The following GLP1R variants were observed in gnomAD, a reference collection of about 807,000 sequenced individuals.
The protein encoded by GLP1R is glucagon-like peptide 1 receptor.
In GLP1R, 32 loss-of-function variants were observed where a neutral mutation model predicts 68.4. The ratio of observed to expected loss-of-function variants is 0.47; its 90% CI spans 0.35 to 0.63. The LOEUF is 0.63. Ranked by LOEUF, GLP1R falls within the 20% of genes least tolerant of loss-of-function variation. The pLI is 0.00. For synonymous variants in GLP1R, 263 were observed against 244.4 expected, an observed-to-expected ratio of 1.08 and a Z score of -0.71; for missense variants, 502 against 594.9, an observed-to-expected ratio of 0.84 and a Z score of 1.62.
intron 12 of GLP1R, among the ~76,000 whole-genome samples, chr6:39,083,198 A>G (rs757957392): frequency 3.3e-5 from 5 of 152,158 alleles, no homozygotes; most frequent in Non-Finnish European, 5.9e-5. Context: ...GGGGTCCAGG[A>G]GACCCTGCTC....
chr6:39,074,147 G>C (rs1456491338), intron 7 of GLP1R, among the ~76,000 whole-genome samples: 1 of 152,156 alleles, frequency 6.6e-6, no homozygotes, highest in African/African-American at 2.4e-5. Context: ...GGGCCTCAAG[G>C]TGGGGAGGGG....
rs940382675 is a variant in GLP1R, at chr6:39,072,052, A to T, written c.510-810A>T. Among the ~76,000 whole-genome samples, 6 of 152,334 alleles carry T rather than the reference A, an allele frequency of 3.9e-5. No individual in the cohort carries two copies. The East Asian group carries it at 1.2e-3, about 29-fold the overall frequency. ...ATTATTTCTAAACATTTACTTTTAA[A>T]TTTTTTTAACGCAGGCATATACAAA... On this transcript the variant is annotated intron_variant, in intron 5 of 12. Transcript: ENST00000373256.
intron 5 of GLP1R, among the ~76,000 whole-genome samples, chr6:39,066,577 C>A (rs537282177): frequency 1.8e-4 from 27 of 152,214 alleles, no homozygotes; most frequent in Non-Finnish European, 4.0e-4. Flanking sequence ...AAAACCTTAA[C>A]CGTCGGTGAT....
intron 12 of GLP1R, among the ~76,000 whole-genome samples, chr6:39,084,680 C>G (rs939520707): frequency 6.6e-6 from 1 of 152,226 alleles, no homozygotes; most frequent in Non-Finnish European, 1.5e-5. Flanking sequence ...TTCCCTCCCC[C>G]ACTCAAGCTT....
At chr6:39,072,152 T>C (rs928513007) in intron 5 of GLP1R, among the ~76,000 whole-genome samples, 2 of 152,268 alleles carry the variant, frequency 1.3e-5, no homozygotes, top group Non-Finnish European at 2.9e-5. Flanking sequence ...GAATTTTCTA[T>C]GAAGATAATC....
At chr6:39,071,041 A>C (rs1768647356) in intron 5 of GLP1R, among the ~76,000 whole-genome samples, 1 of 152,228 alleles carries the variant, frequency 6.6e-6, no homozygotes, top group Non-Finnish European at 1.5e-5. Context: ...AATTCTGGAC[A>C]GTCTTATTAA....
At position 39,057,613 on chromosome 6, in the gene GLP1R, G is replaced by A. The variant is rs201068918; in HGVS notation, c.283+34G>A. On this transcript the variant is annotated intron_variant, in intron 3 of 12. Coordinates refer to ENST00000373256, the MANE Select transcript of GLP1R (RefSeq NM_002062.5). ...CCTCCCCGACCTGGTACCTGCCCTG[G>A]GCCAGCAGTGGTGAACCCCCTCCCC... 6,904 of 1,296,524 alleles carry A rather than the reference G, an allele frequency of 5.3e-3. 35 individuals are homozygous for A. Among genetic ancestry groups the A allele is most frequent in the Non-Finnish European group, 6.7e-3 (6,190 of 925,968 alleles). 80.3% of individuals were successfully genotyped at this position (1,296,524 alleles called of 1,614,324 possible).
At position 39,050,108 on chromosome 6, in the gene GLP1R, C is replaced by T. The variant is rs111529454; in HGVS notation, c.78+1190C>T. 4.9e-3 allele frequency among the ~76,000 whole-genome samples: 749 copies of T among 152,278 alleles called. 6 individuals are homozygous for T. The highest frequency in any genetic ancestry group is 0.017 in the Middle Eastern group (5 of 294). On this transcript the variant is annotated intron_variant, in intron 1 of 12. Transcript: ENST00000373256. ...TTCAGCCCCCAGATTATTTTCCAGA[C>T]GCATCCTCTCCCTGCCCCTGTTCCC...
chr6:39,063,344 T>A (rs1481076223), intron 3 of GLP1R, among the ~76,000 whole-genome samples: 2 of 152,120 alleles, frequency 1.3e-5, no homozygotes, highest in Non-Finnish European at 2.9e-5. Context: ...AGAGAGGCAT[T>A]TGTGGGCTTG....
intron 4 of GLP1R, 43 bp from the exon 5 acceptor site, chr6:39,066,154 C>A: frequency 9.0e-7 from 1 of 1,107,998 alleles, no homozygotes; most frequent in Non-Finnish European, 1.4e-6. Context: ...GGGAAGAGGG[C>A]CATGGGCTGC....
chr6:39,065,633 G>A, intron 3 of GLP1R, 78 bp from the exon 4 acceptor site: 1 of 818,970 alleles, frequency 1.2e-6, no homozygotes. Flanking sequence ...CTCAGAATGG[G>A]GAGGAAGGGG....
In GLP1R at chr6:39,090,131, C is replaced by T. The variant is rs1423900489; in HGVS notation, c.*4058C>T. On this transcript the variant is annotated 3_prime_UTR_variant, in exon 13 of 13. Coordinates refer to ENST00000373256, the MANE Select transcript of GLP1R (RefSeq NM_002062.5). ...CCATGCCCCTACAGTTACCTGCTGG[C>T]CCAGATCAGCTCTCTGGGTCTGCAG... Among the ~76,000 whole-genome samples, 3 of 152,172 alleles carry T rather than the reference C, an allele frequency of 2.0e-5. No individual in the cohort carries two copies. Among genetic ancestry groups the T allele is most frequent in the African/African-American group, 7.2e-5 (3 of 41,438 alleles).
chr6:39,055,038 G>A (rs1461223863), intron 1 of GLP1R, among the ~76,000 whole-genome samples: 5 of 152,094 alleles, frequency 3.3e-5, no homozygotes, highest in African/African-American at 7.2e-5. Context: ...AGCCCCTGCC[G>A]CCTTGGCACA....
intron 7 of GLP1R, among the ~76,000 whole-genome samples, chr6:39,077,946 T>G (rs1412979561): frequency 6.6e-6 from 1 of 152,104 alleles, no homozygotes; most frequent in Non-Finnish European, 1.5e-5. Flanking sequence ...CATCAGAGGG[T>G]TCGCCTGCTC....
intron 7 of GLP1R, among the ~76,000 whole-genome samples, chr6:39,074,024 A>T (rs901094855): frequency 9.2e-5 from 14 of 152,074 alleles, no homozygotes; most frequent in African/African-American, 3.4e-4. Context: ...ACCCTCTACC[A>T]CTATCATGCA....
At chr6:39,067,456 G>C (rs1440995840) in intron 5 of GLP1R, among the ~76,000 whole-genome samples, 4 of 152,194 alleles carry the variant, frequency 2.6e-5, no homozygotes, top group Non-Finnish European at 4.4e-5. Context: ...CCTTCTCACT[G>C]TGTCCTCACA....
chr6:39,058,713 T>C (rs1457373104), intron 3 of GLP1R, among the ~76,000 whole-genome samples: 1 of 152,116 alleles, frequency 6.6e-6, no homozygotes, highest in African/African-American at 2.4e-5. Flanking sequence ...ATTTATTGAG[T>C]ACCTACTGTG....
In GLP1R at chr6:39,066,178, T is replaced by G; in HGVS notation, c.403-19T>G. ...GCCATGGGCTGCCCATGTACACGTA[T>G]GTCCCCCGTGTGCCACAGAGCTCCC... On this transcript the variant is annotated intron_variant, in intron 4 of 12. Transcript: ENST00000373256. 1 of 1,346,732 alleles carries G rather than the reference T, an allele frequency of 7.4e-7. No homozygotes were observed. The highest frequency in any genetic ancestry group is 1.2e-5 in the South Asian group (1 of 84,262). 83.4% of individuals were successfully genotyped at this position (1,346,732 alleles called of 1,614,324 possible).
chr6:39,057,162 A>G (rs1477054005), intron 2 of GLP1R, among the ~76,000 whole-genome samples: 1 of 152,214 alleles, frequency 6.6e-6, no homozygotes, highest in African/African-American at 2.4e-5. Flanking sequence ...TTCATTGAGC[A>G]CGTACTATGT....
Sources: allele counts gnomAD v4.1 joint callset (sites outside exome capture counted in the v4.1 genomes callset), GRCh38; gene constraint gnomAD v4.1.1; transcripts MANE v1.5; gene names NCBI Gene and HGNC (gene_info 2026-07-23, HGNC 2026-07-21).